ANO2: variants seen among roughly 807,000 people sequenced by gnomAD.
ANO2 encodes the protein anoctamin-2.
Under a neutral mutation model 124.2 loss-of-function variants are expected in ANO2, and 101 were observed. The ratio of observed to expected loss-of-function variants is 0.81; its 90% CI spans 0.69 to 0.96. The LOEUF (loss-of-function observed/expected upper bound fraction) is 0.96. Ranked by LOEUF, ANO2 falls within the 40% of genes least tolerant of loss-of-function variation. The pLI is 0.00. For missense variants in ANO2, 1,293 were observed against 1,274.5 expected, an observed-to-expected ratio of 1.01 and a Z score of -0.22; for synonymous variants, 486 against 482.5, an observed-to-expected ratio of 1.01 and a Z score of -0.09.
chr12:5,806,818 T>C (rs1397691594), intron 8 of ANO2, among the ~76,000 whole-genome samples: 1 of 152,238 alleles, frequency 6.6e-6, no homozygotes, highest in Non-Finnish European at 1.5e-5. Flanking sequence ...ATAATGATCT[T>C]TCGTTAATAT....
At chr12:5,920,351 G>A (rs1223541461) in intron 3 of ANO2, among the ~76,000 whole-genome samples, 3 of 152,082 alleles carry the variant, frequency 2.0e-5, no homozygotes, top group East Asian at 1.9e-4. Context: ...ATTCAACAAG[G>A]AAACTAGGTC....
chr12:5,920,008 T>A (rs1941604191), intron 3 of ANO2, among the ~76,000 whole-genome samples: 1 of 151,798 alleles, frequency 6.6e-6, no homozygotes, highest in South Asian at 2.1e-4. Flanking sequence ...GGGAAGGTCA[T>A]TTTTAAAGGA....
At chr12:5,836,144 A>G (rs1440812588) in intron 4 of ANO2, among the ~76,000 whole-genome samples, 4 of 152,240 alleles carry the variant, frequency 2.6e-5, no homozygotes, top group Non-Finnish European at 5.9e-5. Context: ...AACATCTTTT[A>G]GTAGTTTACA....
At chr12:5,670,515 G>A (rs1217865770) in intron 14 of ANO2, among the ~76,000 whole-genome samples, 9 of 152,152 alleles carry the variant, frequency 5.9e-5, no homozygotes, top group Non-Finnish European at 1.3e-4. Flanking sequence ...TTTTTGAAAT[G>A]TTCCACATGT....
At chr12:5,917,561 TTTTC>T (rs1468079699) in intron 3 of ANO2, among the ~76,000 whole-genome samples, 3 of 110,034 alleles carry the variant, frequency 2.7e-5, no homozygotes, top group African/African-American at 5.6e-5. Flanking sequence ...TTATTCTCTT[TTTTC>T]TTTTTTTTTT....
intron 15 of ANO2, among the ~76,000 whole-genome samples, chr12:5,641,369 A>T (rs1386645072): frequency 1.3e-5 from 2 of 152,200 alleles, no homozygotes; most frequent in East Asian, 3.8e-4. Flanking sequence ...AACTTAATGC[A>T]TAACAAAAAA....
intron 7 of ANO2, among the ~76,000 whole-genome samples, chr12:5,826,666 T>C (rs186003888): frequency 9.9e-5 from 15 of 151,990 alleles, no homozygotes; most frequent in Non-Finnish European, 2.2e-4. Context: ...CAAGCAAACA[T>C]AATTGCCCTG....
chr12:5,857,568 A>G (rs1483323150), intron 3 of ANO2, among the ~76,000 whole-genome samples: 1 of 152,106 alleles, frequency 6.6e-6, no homozygotes, highest in African/African-American at 2.4e-5. Flanking sequence ...AGCCATTCTA[A>G]CTGGGGTGAG....
At chr12:5,895,840 T>C (rs1939746716) in intron 3 of ANO2, among the ~76,000 whole-genome samples, 1 of 151,748 alleles carries the variant, frequency 6.6e-6, no homozygotes, top group Non-Finnish European at 1.5e-5. Context: ...CGCATGCATA[T>C]GTTTACAGCA....
intron 4 of ANO2, among the ~76,000 whole-genome samples, chr12:5,848,228 T>C (rs981260271): frequency 6.6e-6 from 1 of 152,188 alleles, no homozygotes; most frequent in Non-Finnish European, 1.5e-5. Flanking sequence ...CTGATTCCTA[T>C]AGACGACTGT....
At chr12:5,917,646 C>T (rs1480980074) in intron 3 of ANO2, among the ~76,000 whole-genome samples, 1 of 149,658 alleles carries the variant, frequency 6.7e-6, no homozygotes, top group Non-Finnish European at 1.5e-5. Flanking sequence ...CAGCTCACTG[C>T]AACTTCCACC....
chr12:5,868,070 T>C (rs1159504731), intron 3 of ANO2, among the ~76,000 whole-genome samples: 1 of 152,202 alleles, frequency 6.6e-6, no homozygotes, highest in Non-Finnish European at 1.5e-5. Context: ...TACAATTGGA[T>C]TGTTTGTTAC....
At chr12:5,943,550 T>C (rs1942979591) in intron 1 of ANO2, among the ~76,000 whole-genome samples, 1 of 152,114 alleles carries the variant, frequency 6.6e-6, no homozygotes, top group Admixed American at 6.5e-5. Context: ...GATTACATAC[T>C]GGGTACAATG....
chr12:5,613,799 A>G (rs1591738322), intron 17 of ANO2, among the ~76,000 whole-genome samples: 1 of 152,220 alleles, frequency 6.6e-6, no homozygotes, highest in East Asian at 1.9e-4. Flanking sequence ...TATCTCTTCT[A>G]GTATAGCACA....
intron 14 of ANO2, among the ~76,000 whole-genome samples, chr12:5,730,246 A>T: frequency 6.6e-6 from 1 of 152,240 alleles, no homozygotes. Context: ...TATAAAATTA[A>T]ATCTCAATAA....
intron 11 of ANO2, among the ~76,000 whole-genome samples, chr12:5,748,718 C>T (rs187773744): frequency 1.3e-5 from 2 of 152,052 alleles, no homozygotes; most frequent in African/African-American, 4.8e-5. Context: ...TAAGTATTAG[C>T]TCTTCCCTCA....
chr12:5,716,340 G>A (rs1950025376), intron 14 of ANO2, among the ~76,000 whole-genome samples: 1 of 152,206 alleles, frequency 6.6e-6, no homozygotes, highest in Non-Finnish European at 1.5e-5. Flanking sequence ...GGAGGTGGGA[G>A]GCTGCAGTGT....
At chr12:5,673,016 T>A (rs1374314523) in intron 14 of ANO2, among the ~76,000 whole-genome samples, 2 of 152,202 alleles carry the variant, frequency 1.3e-5, no homozygotes, top group African/African-American at 4.8e-5. Flanking sequence ...TATGTCTCCA[T>A]CTGCCCAGGT....
chr12:5,807,589 T>C (rs1953240823), intron 7 of ANO2, among the ~76,000 whole-genome samples: 1 of 152,210 alleles, frequency 6.6e-6, no homozygotes, highest in African/African-American at 2.4e-5. Context: ...TAATATCAAA[T>C]ATGCTGTCTC....
Sources: allele counts gnomAD v4.1 joint callset (sites outside exome capture counted in the v4.1 genomes callset), GRCh38; gene constraint gnomAD v4.1.1; transcripts MANE v1.5; gene names NCBI Gene and HGNC (gene_info 2026-07-23, HGNC 2026-07-21).